ZNF169: variants seen among roughly 807,000 people sequenced by gnomAD.
ZNF169 encodes zinc finger protein 169.
ZNF169 carries 11 observed loss-of-function variants against 12.0 expected under a neutral mutation model. The observed-to-expected ratio is 0.92, with a 90% CI of 0.58 to 1.52. ZNF169 has a LOEUF of 1.52. Among genes scored for constraint, ZNF169 ranks in the 40% most tolerant of loss-of-function variants. The pLI is 0.00. For missense variants in ZNF169, 722 were observed against 744.0 expected (o/e 0.97, Z 0.34); for synonymous variants, 302 against 286.5 (o/e 1.05, Z -0.55).
Position 94,300,395 on chromosome 9 carries a change from A to G in ZNF169, c.837A>G (p.Ile279Met), listed in dbSNP as rs114848895. ...RRFSQKASLS[I>M]HQRKHSGEKP... Reference sequence around the variant, plus strand: ...TTAGCCAGAAGGCCTCCCTCTCCATACACCAGAGGAAGCACTCGGGGGAGA... The same window carrying G: ...TTAGCCAGAAGGCCTCCCTCTCCATGCACCAGAGGAAGCACTCGGGGGAGA... Residue 279 changes from isoleucine (I) to methionine (M), a missense_variant, in exon 5 of 5, where the codon ATA becomes ATG. Coordinates refer to ENST00000395395, the MANE Select transcript of ZNF169 (RefSeq NM_194320.4). The G allele has an allele frequency of 1.3e-3, 2,065 of 1,612,244 alleles. 18 individuals carry two copies. In the African/African-American group the frequency reaches 0.025, roughly 20 times the overall value.
intron 2 of ZNF169, among the ~76,000 whole-genome samples, chr9:94,291,118 A>G (rs1441931584): frequency 7.9e-6 from 1 of 127,056 alleles, no homozygotes; most frequent in Non-Finnish European, 1.5e-5. Flanking sequence ...GTAGTGGTGT[A>G]ATCTCGGCTC....
At position 94,300,302 on chromosome 9, in the gene ZNF169, C is replaced by A. The variant is rs1334221620; in HGVS notation, c.744C>A (p.Asp248Glu). Reference sequence around the variant, plus strand: ...GGAGAGGCTTTTGCCAGAGATCAGACCTTATCAAGCACCAGAGGACACACA... The same window carrying A: ...GGAGAGGCTTTTGCCAGAGATCAGAACTTATCAAGCACCAGAGGACACACA... Reference protein sequence around the residue: ...ECGRGFCQRSDLIKHQRTHTG... With the variant: ...ECGRGFCQRSELIKHQRTHTG... Residue 248 changes from aspartate to glutamate, a missense_variant, in exon 5 of 5, where the codon GAC becomes GAA. Physicochemically the swap from Asp to Glu is conservative, Grantham distance 45 (BLOSUM62 2). Transcript: ENST00000395395. 5 of 1,614,058 alleles carry A rather than the reference C, an allele frequency of 3.1e-6. No individual in the cohort carries two copies. In the African/African-American group the frequency reaches 5.3e-5, roughly 17 times the overall value.
chr9:94,270,913 TTATATTA>T (rs1830404996), intron 1 of ZNF169, among the ~76,000 whole-genome samples: 2 of 20,702 alleles, frequency 9.7e-5, no homozygotes, highest in Non-Finnish European at 1.8e-4. Context: ...ATATATTATA[TTATATTA>T]TATATAAATA....
In ZNF169 at chr9:94,270,907, AT is replaced by A. The variant is rs1268374522; in HGVS notation, c.-55-7849del. Among the ~76,000 whole-genome samples, 3 of 15,436 alleles carry A rather than the reference AT, an allele frequency of 1.9e-4. 1 individual carries two copies. Among genetic ancestry groups the A allele is most frequent in the African/African-American group, 1.5e-3 (3 of 1,986 alleles). 10.1% of individuals were successfully genotyped at this position (15,436 alleles called of 152,430 possible). Reference sequence around the variant, plus strand: ...TATAAATATATATAATAATATATATATTATATTATATTATATATAAATAATA... The same window carrying A: ...TATAAATATATATAATAATATATATATATATTATATTATATATAAATAATA... On this transcript the variant is annotated intron_variant, in intron 1 of 4. Coordinates refer to ENST00000395395, the MANE Select transcript of ZNF169 (RefSeq NM_194320.4).
At chr9:94,267,053 C>T (rs993566535) in intron 1 of ZNF169, among the ~76,000 whole-genome samples, 12 of 152,170 alleles carry the variant, frequency 7.9e-5, no homozygotes, top group African/African-American at 2.4e-4. Context: ...GGACTACAGG[C>T]GAGCGCCACC....
At chr9:94,275,173 G>A (rs1277954644) in intron 1 of ZNF169, among the ~76,000 whole-genome samples, 1 of 152,186 alleles carries the variant, frequency 6.6e-6, no homozygotes, top group African/African-American at 2.4e-5. Flanking sequence ...GGAAGTTGGG[G>A]CTGCAGTGAG....
Position 94,300,995 on chromosome 9 carries a change from A to G in ZNF169, c.1437A>G (p.Thr479=), listed in dbSNP as rs773938562. 41 of 1,612,532 alleles carry G rather than the reference A, an allele frequency of 2.5e-5. No individual in the cohort carries two copies. Among genetic ancestry groups the G allele is most frequent in the Middle Eastern group, 1.6e-4 (1 of 6,068 alleles). ...QKVTLIRHQR[T]HTGEKPYLCP... ...TCACCCTCATCAGACACCAGAGGAC[A>G]CACACAGGGGAGAAGCCTTATCTGT... The change falls in exon 5 of 5, where the codon ACA becomes ACG. Residue 479 remains threonine, a synonymous_variant. Transcript: ENST00000395395.
At chr9:94,260,777 G>A (rs974815792) in intron 1 of ZNF169, among the ~76,000 whole-genome samples, 12 of 151,690 alleles carry the variant, frequency 7.9e-5, no homozygotes, top group African/African-American at 2.9e-4. Context: ...CCTGGAGGTG[G>A]GGGAAGAAGT....
chr9:94,265,899 T>A (rs1012564790), intron 1 of ZNF169, among the ~76,000 whole-genome samples: 2 of 151,866 alleles, frequency 1.3e-5, no homozygotes, highest in African/African-American at 4.8e-5. Context: ...TAATCCTAAA[T>A]GGGTCCTGTT....
At chr9:94,262,876 T>C (rs1830229176) in intron 1 of ZNF169, among the ~76,000 whole-genome samples, 1 of 152,204 alleles carries the variant, frequency 6.6e-6, no homozygotes, top group Non-Finnish European at 1.5e-5. Context: ...CTGTGCATCA[T>C]CTATTTAATT....
At chr9:94,288,428 T>C in intron 2 of ZNF169, 2 of 1,213,128 alleles carry the variant, frequency 1.6e-6, no homozygotes. Flanking sequence ...CCTGAGCTTG[T>C]AAATTCCAAT....
intron 1 of ZNF169, among the ~76,000 whole-genome samples, chr9:94,261,280 C>T (rs546790707): frequency 6.6e-4 from 100 of 152,200 alleles, no homozygotes; most frequent in Non-Finnish European, 1.2e-3. Flanking sequence ...GCCTCGGCCT[C>T]CCAAAGTGCT....
chr9:94,283,800 G>A (rs1830678551), intron 2 of ZNF169, among the ~76,000 whole-genome samples: 1 of 152,132 alleles, frequency 6.6e-6, no homozygotes, highest in African/African-American at 2.4e-5. Flanking sequence ...CGGGTGCGGT[G>A]GCTCACACCT....
At chr9:94,268,126 T>C (rs1218091144) in intron 1 of ZNF169, among the ~76,000 whole-genome samples, 3 of 151,936 alleles carry the variant, frequency 2.0e-5, no homozygotes, top group Non-Finnish European at 4.4e-5. Context: ...CACCTCGGCC[T>C]CCCAAAGTGC....
intron 4 of ZNF169, 123 bp from the exon 5 acceptor site, chr9:94,299,692 G>A (rs1831015542): frequency 6.8e-7 from 1 of 1,463,438 alleles, no homozygotes; most frequent in Admixed American, 2.7e-5. Flanking sequence ...AATAGAGCAT[G>A]TAATGTGCCC....
intron 3 of ZNF169, 140 bp downstream of exon 3, chr9:94,292,607 T>TTTGTGTGTGTGTGTGTG (rs386415517): frequency 0.016 from 11,047 of 676,648 alleles, 67 homozygotes; most frequent in East Asian, 0.038. Flanking sequence ...CACAGTGCAG[T>TTTGTGTGTGTGTGTGTG]TGTGTGTGTG....
intron 2 of ZNF169, among the ~76,000 whole-genome samples, chr9:94,290,186 C>T (rs985589313): frequency 6.6e-6 from 1 of 152,148 alleles, no homozygotes; most frequent in African/African-American, 2.4e-5. Context: ...GTAAACAAAA[C>T]AAACTCTCAG....
At position 94,287,926 on chromosome 9, in the gene ZNF169, C is replaced by T. The variant is rs139658703; in HGVS notation, c.34-4415C>T. On this transcript the variant is annotated intron_variant, in intron 2 of 4. Transcript: ENST00000395395. ...GTGTTACTGTTTCCTGCTGTCCAGGCGAGATTGACAGCAGTCTCCAACTTC... is the reference window on the plus strand; with the variant it reads ...GTGTTACTGTTTCCTGCTGTCCAGGTGAGATTGACAGCAGTCTCCAACTTC... The T allele has an allele frequency of 2.0e-3, 1,774 of 896,340 alleles. 19 individuals are homozygous for T. The highest frequency in any genetic ancestry group is 0.015 in the East Asian group (595 of 40,864). 55.5% of individuals were successfully genotyped at this position (896,340 alleles called of 1,614,324 possible).
At chr9:94,297,922 T>G (rs554389552) in intron 4 of ZNF169, among the ~76,000 whole-genome samples, 18 of 152,268 alleles carry the variant, frequency 1.2e-4, no homozygotes, top group Admixed American at 3.3e-4. Context: ...ATCCCAGCAC[T>G]TTGGGAGGCC....
Sources: gnomAD v4.1 joint callset for allele counts (sites outside exome capture counted in the v4.1 genomes callset) on GRCh38, gnomAD v4.1.1 for gene constraint, MANE v1.5 for transcripts, NCBI Gene and HGNC (gene_info 2026-07-23, HGNC 2026-07-21) for gene names.